The following MAGI2 variants were observed in gnomAD, a reference collection of about 807,000 sequenced individuals.
MAGI2 encodes the protein membrane associated guanylate kinase, WW and PDZ domain containing 2, also known as membrane-associated guanylate kinase, WW and PDZ domain-containing protein 2.
In MAGI2, 35 loss-of-function variants were observed where a neutral mutation model predicts 133.3. The observed-to-expected ratio is 0.26, with a 90% CI of 0.20 to 0.35. MAGI2 has a LOEUF of 0.35. Ranked by LOEUF, MAGI2 falls within the 10% of genes least tolerant of loss-of-function variation. MAGI2 has a pLI of 1.00. For missense variants in MAGI2, 1,636 were observed against 1,863.4 expected (o/e 0.88, Z 2.25); for synonymous variants, 729 against 710.6 (o/e 1.03, Z -0.41).
At chr7:78,589,441 C>A (rs1371313498) in intron 3 of MAGI2, among the ~76,000 whole-genome samples, 1 of 152,306 alleles carries the variant, frequency 6.6e-6, no homozygotes, top group South Asian at 2.1e-4. Context: ...GGAGTCTATG[C>A]ACATAACTGC....
intron 9 of MAGI2, among the ~76,000 whole-genome samples, chr7:78,263,888 T>C (rs1456319575): frequency 6.6e-6 from 1 of 152,162 alleles, no homozygotes; most frequent in African/African-American, 2.4e-5. Flanking sequence ...TGGCCCCAGC[T>C]TTAGGACATG....
At chr7:79,389,279 C>T (rs1322010136) in intron 1 of MAGI2, among the ~76,000 whole-genome samples, 1 of 151,550 alleles carries the variant, frequency 6.6e-6, no homozygotes, top group Non-Finnish European at 1.5e-5. Context: ...GGTCAGTATG[C>T]CATAAAAGAA....
chr7:79,306,742 T>G lies in MAGI2; in HGVS notation c.301+146278A>C, dbSNP rs188467890. ...TTACTGTGTATACCTACTCTGAGAT[T>G]CTATGAAGTATTTGAAGCTGTTGTC... is the stretch of plus-strand genomic sequence containing the variant. On this transcript the variant is annotated intron_variant, in intron 1 of 21. Transcript: ENST00000354212. Among the ~76,000 whole-genome samples, 218 of 152,282 alleles carry G rather than the reference T, an allele frequency of 1.4e-3. 1 individual carries two copies. The highest frequency in any genetic ancestry group is 5.1e-3 in the African/African-American group (211 of 41,550).
At chr7:79,231,799 T>A (rs1289578340) in intron 1 of MAGI2, among the ~76,000 whole-genome samples, 20 of 150,260 alleles carry the variant, frequency 1.3e-4, no homozygotes, top group African/African-American at 4.9e-4. Context: ...TTCTCCTGCC[T>A]AATTGCCCTG....
chr7:79,012,116 T>C (rs559743756), intron 1 of MAGI2: 3 of 152,090 alleles, frequency 2.0e-5, no homozygotes, highest in Non-Finnish European at 4.4e-5. Context: ...GCCCAAAGAA[T>C]GCGAATGCAA....
At position 79,387,094 on chromosome 7, in the gene MAGI2, T is replaced by TTGTGTGTGTGTGTGTGTGTG. The variant is rs3050633; in HGVS notation, c.301+65906_301+65925dup. On this transcript the variant is annotated intron_variant, in intron 1 of 21. Transcript: ENST00000354212. The stretch of plus-strand genomic sequence containing the variant: ...AGAGATGGCTCACAAATTTTTATGC[T>TTGTGTGTGTGTGTGTGTGTG]TGTGTGTGTGTGTGTGTGTGTGTGT... Among the ~76,000 whole-genome samples the TTGTGTGTGTGTGTGTGTGTG allele has an allele frequency of 2.8e-3, 396 of 141,570 alleles. 3 individuals carry two copies. Among genetic ancestry groups the TTGTGTGTGTGTGTGTGTGTG allele is most frequent in the African/African-American group, 7.0e-3 (263 of 37,438 alleles). 92.9% of individuals were successfully genotyped at this position (141,570 alleles called of 152,430 possible).
At chr7:78,646,695 T>C (rs1207821267) in intron 2 of MAGI2, among the ~76,000 whole-genome samples, 1 of 152,218 alleles carries the variant, frequency 6.6e-6, no homozygotes, top group Non-Finnish European at 1.5e-5. Context: ...CAAAGAAAGA[T>C]TGTTGAACTT....
At chr7:79,316,970 T>G (rs1344065113) in intron 1 of MAGI2, among the ~76,000 whole-genome samples, 1 of 151,608 alleles carries the variant, frequency 6.6e-6, no homozygotes, top group Non-Finnish European at 1.5e-5. Context: ...TAAATTACAT[T>G]TCTAAGTTAA....
intron 1 of MAGI2, among the ~76,000 whole-genome samples, chr7:79,317,827 C>A (rs574962747): frequency 6.6e-6 from 1 of 151,740 alleles, no homozygotes; most frequent in Non-Finnish European, 1.5e-5. Flanking sequence ...AATGACTCAT[C>A]CTCCTTTGCA....
chr7:79,004,980 G>A (rs551256348), intron 2 of MAGI2, among the ~76,000 whole-genome samples: 1 of 151,950 alleles, frequency 6.6e-6, no homozygotes, highest in Non-Finnish European at 1.5e-5. Context: ...TACTCAGGAG[G>A]CTGGGGCAGG....
At chr7:78,455,612 T>A (rs780305960) in intron 6 of MAGI2, among the ~76,000 whole-genome samples, 1 of 152,182 alleles carries the variant, frequency 6.6e-6, no homozygotes, top group Non-Finnish European at 1.5e-5. Context: ...AAATATATTA[T>A]GCAGAGCACA....
In MAGI2 at chr7:78,297,986, T is replaced by TAA. The variant is rs60034232; in HGVS notation, c.1409-41407_1409-41406dup. Among the ~76,000 whole-genome samples the TAA allele has an allele frequency of 2.2e-4, 33 of 148,258 alleles. No individual in the cohort carries two copies. In the South Asian group the frequency reaches 3.0e-3, roughly 13 times the overall value. On this transcript the variant is annotated intron_variant, in intron 9 of 21. Coordinates refer to ENST00000354212, the MANE Select transcript of MAGI2 (RefSeq NM_012301.4). ...TGTACCCTAGAACTTAAAGTATAAT[T>TAA]AAAAAAAAAGAATTGTCTGGGAAAA...
At chr7:78,316,144 G>T (rs560880737) in intron 9 of MAGI2, among the ~76,000 whole-genome samples, 1 of 152,126 alleles carries the variant, frequency 6.6e-6, no homozygotes, top group Admixed American at 6.5e-5. Context: ...TTTATCCCCT[G>T]CAGCTACTAC....
chr7:78,644,967 A>T (rs1304892707), intron 2 of MAGI2, among the ~76,000 whole-genome samples: 1 of 152,192 alleles, frequency 6.6e-6, no homozygotes. Flanking sequence ...TTAAAAGGAT[A>T]TTAATGGTAT....
chr7:78,931,860 A>G (rs1305640330), intron 2 of MAGI2, among the ~76,000 whole-genome samples: 2 of 152,108 alleles, frequency 1.3e-5, no homozygotes, highest in African/African-American at 4.8e-5. Context: ...ACTTTTAAGT[A>G]CAGGTTGAGC....
intron 1 of MAGI2, among the ~76,000 whole-genome samples, chr7:79,010,108 C>A (rs1254255471): frequency 6.6e-6 from 1 of 151,752 alleles, no homozygotes; most frequent in Non-Finnish European, 1.5e-5. Flanking sequence ...TATATATACA[C>A]ATATATACAC....
intron 3 of MAGI2, among the ~76,000 whole-genome samples, chr7:78,602,385 T>G (rs986698199): frequency 6.6e-6 from 1 of 152,084 alleles, no homozygotes; most frequent in Admixed American, 6.6e-5. Context: ...GTCTCAAACT[T>G]CTGACCTCAG....
chr7:79,453,601 G>C lies in MAGI2; in HGVS notation c.-281C>G. The C allele has an allele frequency of 1.7e-6, 2 of 1,148,168 alleles. No homozygotes were observed. Among genetic ancestry groups the C allele is most frequent in the Non-Finnish European group, 2.1e-6 (2 of 933,410 alleles). The allele number at this position is 1,148,168 out of a possible 1,614,324, so 71.1% of individuals were successfully genotyped here. A position where few individuals can be genotyped will look rare whatever the true frequency, so the allele number is the denominator to read the frequency against. ...TGGCCCCGCAGCAGAGGAAGCAGTG[G>C]TGGTGGCGTCGGCGGCGGCGGCGGC... On this transcript the variant is annotated 5_prime_UTR_variant, in exon 1 of 22. Coordinates refer to ENST00000354212, the MANE Select transcript of MAGI2 (RefSeq NM_012301.4).
chr7:78,998,219 G>A (rs1806501382), intron 2 of MAGI2, among the ~76,000 whole-genome samples: 1 of 152,160 alleles, frequency 6.6e-6, no homozygotes, highest in Non-Finnish European at 1.5e-5. Flanking sequence ...TCCCTAAAGT[G>A]TCTGCTGTAT....
Sources: allele counts gnomAD v4.1 joint callset (sites outside exome capture counted in the v4.1 genomes callset), GRCh38; gene constraint gnomAD v4.1.1; transcripts MANE v1.5; gene names NCBI Gene and HGNC (gene_info 2026-07-23, HGNC 2026-07-21).